HS3ST5: variants seen among roughly 807,000 people sequenced by gnomAD.
The protein encoded by HS3ST5 is heparan sulfate glucosamine 3-O-sulfotransferase 5.
HS3ST5 carries 10 observed loss-of-function variants against 25.4 expected under a neutral mutation model. The ratio of observed to expected loss-of-function variants is 0.39; its 90% confidence interval spans 0.24 to 0.67. HS3ST5 has a LOEUF of 0.67. Among genes scored for constraint, HS3ST5 ranks in the 30% least tolerant of loss-of-function variants. HS3ST5 has a pLI of 0.44. For missense variants in HS3ST5, 324 were observed against 420.7 expected, an observed-to-expected ratio of 0.77 and a Z score of 2.01; for synonymous variants, 170 against 162.4, an observed-to-expected ratio of 1.05 and a Z score of -0.36.
intron 1 of HS3ST5, chr6:114,282,101 G>A (rs898850521): frequency 6.6e-6 from 1 of 151,964 alleles, no homozygotes; most frequent in African/African-American, 2.4e-5. Flanking sequence ...ATGAGTTTAT[G>A]GGTATGTATA....
chr6:114,067,546 A>G (rs1226292259), intron 3 of HS3ST5, among the ~76,000 whole-genome samples: 2 of 152,158 alleles, frequency 1.3e-5, no homozygotes, highest in Non-Finnish European at 1.5e-5. Flanking sequence ...AGTTATTACT[A>G]TAGAGGTTTT....
At chr6:114,159,555 G>C (rs1229258210) in intron 3 of HS3ST5, among the ~76,000 whole-genome samples, 1 of 152,192 alleles carries the variant, frequency 6.6e-6, no homozygotes, top group Admixed American at 6.5e-5. Context: ...AGGGCTGGGA[G>C]GTGACAACTG....
chr6:114,178,252 G>A (rs1028074273), intron 2 of HS3ST5, among the ~76,000 whole-genome samples: 7 of 152,084 alleles, frequency 4.6e-5, no homozygotes, highest in African/African-American at 1.7e-4. Flanking sequence ...TCTCACCACA[G>A]AGACATCTCT....
rs78205933 is a variant in HS3ST5 at position 114,153,535 on chromosome 6, C to G, written c.-33+14816G>C. 5.1e-3 allele frequency among the ~76,000 whole-genome samples: 773 copies of G among 152,256 alleles called. 8 individuals carry two copies. Among genetic ancestry groups the G allele is most frequent in the African/African-American group, 0.018 (737 of 41,536 alleles). On this transcript the variant is annotated intron_variant, in intron 3 of 4. Transcript: ENST00000312719. ...TCATTTTCTCAATGGGGCAGACTCCCGTTGCACCATATTGGTGGAGAGATG... is the reference window on the plus strand; with the variant it reads ...TCATTTTCTCAATGGGGCAGACTCCGGTTGCACCATATTGGTGGAGAGATG...
intron 3 of HS3ST5, among the ~76,000 whole-genome samples, chr6:114,145,337 A>T (rs1030598090): frequency 2.6e-5 from 4 of 152,218 alleles, no homozygotes; most frequent in East Asian, 1.9e-4. Context: ...ATTGTGAAAG[A>T]TTCTTTCTCA....
chr6:114,103,135 G>GC (rs1562197765), intron 3 of HS3ST5, among the ~76,000 whole-genome samples: 1 of 152,034 alleles, frequency 6.6e-6, no homozygotes, highest in Non-Finnish European at 1.5e-5. Flanking sequence ...GCATTTTAAG[G>GC]CCTTCTTCTT....
At chr6:114,193,811 T>C (rs977808020) in intron 2 of HS3ST5, among the ~76,000 whole-genome samples, 1 of 152,128 alleles carries the variant, frequency 6.6e-6, no homozygotes, top group Non-Finnish European at 1.5e-5. Flanking sequence ...CAATAAGCAA[T>C]ATTAGATTAT....
intron 3 of HS3ST5, among the ~76,000 whole-genome samples, chr6:114,168,020 C>T (rs1224171262): frequency 6.6e-6 from 1 of 151,978 alleles, no homozygotes; most frequent in Non-Finnish European, 1.5e-5. Flanking sequence ...GAATCAGTTT[C>T]ATGATAACTT....
At chr6:114,183,994 G>T (rs916419562) in intron 2 of HS3ST5, among the ~76,000 whole-genome samples, 1 of 149,438 alleles carries the variant, frequency 6.7e-6, no homozygotes, top group Non-Finnish European at 1.5e-5. Context: ...GAATTTGCAA[G>T]TAATGAAATA....
At chr6:114,095,685 A>C (rs1403601751) in intron 3 of HS3ST5, among the ~76,000 whole-genome samples, 1 of 152,042 alleles carries the variant, frequency 6.6e-6, no homozygotes, top group Non-Finnish European at 1.5e-5. Context: ...TCCTGCTTGG[A>C]CCAAATGTTC....
At chr6:114,193,249 G>C (rs532955638) in intron 2 of HS3ST5, among the ~76,000 whole-genome samples, 17 of 152,252 alleles carry the variant, frequency 1.1e-4, no homozygotes, top group Non-Finnish European at 1.8e-4. Context: ...CAGACAGACA[G>C]ACACACACAC....
At chr6:114,186,089 C>T (rs997072454) in intron 2 of HS3ST5, among the ~76,000 whole-genome samples, 33 of 152,110 alleles carry the variant, frequency 2.2e-4, no homozygotes, top group Admixed American at 9.8e-4. Flanking sequence ...ATCTCGCTTC[C>T]TCTCCTTGGG....
intron 3 of HS3ST5, among the ~76,000 whole-genome samples, chr6:114,145,165 C>T (rs1778095128): frequency 6.6e-6 from 1 of 152,256 alleles, no homozygotes; most frequent in Non-Finnish European, 1.5e-5. Flanking sequence ...CACATTCCTA[C>T]AAGCCCCGGA....
chr6:114,258,569 C>T (rs944421362), intron 1 of HS3ST5, among the ~76,000 whole-genome samples: 7 of 152,070 alleles, frequency 4.6e-5, no homozygotes, highest in Non-Finnish European at 7.4e-5. Flanking sequence ...AGTGTCTTGT[C>T]CTCAGGCTTC....
intron 1 of HS3ST5, among the ~76,000 whole-genome samples, chr6:114,298,759 T>C (rs1395826645): frequency 6.6e-6 from 1 of 152,224 alleles, no homozygotes; most frequent in African/African-American, 2.4e-5. Context: ...TGCCTGTCTT[T>C]ACTGCAATCT....
chr6:114,115,504 G>C (rs1776478016), intron 3 of HS3ST5, among the ~76,000 whole-genome samples: 1 of 151,990 alleles, frequency 6.6e-6, no homozygotes, highest in Admixed American at 6.6e-5. Flanking sequence ...CAATGACATA[G>C]TGTTAACCTC....
At chr6:114,110,169 G>A (rs1776196970) in intron 3 of HS3ST5, among the ~76,000 whole-genome samples, 1 of 152,116 alleles carries the variant, frequency 6.6e-6, no homozygotes, top group Admixed American at 6.6e-5. Flanking sequence ...GAATTGGTTT[G>A]ATTTTCCCTT....
intron 3 of HS3ST5, among the ~76,000 whole-genome samples, chr6:114,114,410 T>C (rs141376706): frequency 3.9e-4 from 59 of 152,264 alleles, no homozygotes; most frequent in Non-Finnish European, 7.2e-4. Flanking sequence ...TAAAGTTTTC[T>C]TGATGGTAAT....
At chr6:114,195,380 C>T (rs1562233787) in intron 2 of HS3ST5, among the ~76,000 whole-genome samples, 1 of 152,146 alleles carries the variant, frequency 6.6e-6, no homozygotes, top group African/African-American at 2.4e-5. Context: ...ACCAGACCCA[C>T]TGCCCATGTC....
Sources: gnomAD v4.1 joint callset for allele counts (sites outside exome capture counted in the v4.1 genomes callset) on GRCh38, gnomAD v4.1.1 for gene constraint, MANE v1.5 for transcripts, NCBI Gene and HGNC (gene_info 2026-07-23, HGNC 2026-07-21) for gene names.